The following OOSP1 variants were observed in gnomAD, a reference collection of about 807,000 sequenced individuals.
The protein encoded by OOSP1 is oocyte secreted protein 1.
OOSP1 carries 11 observed loss-of-function variants against 5.7 expected under a neutral mutation model. The ratio of observed to expected loss-of-function variants is 1.94; its 90% confidence interval spans 1.22 to 3.20. The LOEUF (loss-of-function observed/expected upper bound fraction) is 3.20. Among genes scored for constraint, OOSP1 ranks in the 30% most tolerant of loss-of-function variants. OOSP1 has a pLI of 0.00. For missense variants in OOSP1, 83 were observed against 54.1 expected (o/e 1.53, Z -1.67); for synonymous variants, 44 against 20.0 (o/e 2.20, Z -3.20).
chr11:59,956,662 C>A (rs1322663317), intron 4 of OOSP1, among the ~76,000 whole-genome samples: 1 of 152,066 alleles, frequency 6.6e-6, no homozygotes, highest in Non-Finnish European at 1.5e-5. Flanking sequence ...ATCACCTGAG[C>A]AGTATACACT....
chr11:59,943,444 A>G (rs1485860533), intron 2 of OOSP1, among the ~76,000 whole-genome samples: 1 of 152,196 alleles, frequency 6.6e-6, no homozygotes, highest in Non-Finnish European at 1.5e-5. Flanking sequence ...TATTTGTAAT[A>G]TGGCTAGACT....
chr11:59,944,501 T>C (rs900081741), intron 2 of OOSP1, among the ~76,000 whole-genome samples: 8 of 152,280 alleles, frequency 5.3e-5, no homozygotes, highest in Non-Finnish European at 1.0e-4. Flanking sequence ...TAAAATTATG[T>C]AATGAATATG....
intron 2 of OOSP1, among the ~76,000 whole-genome samples, chr11:59,943,497 A>G (rs1314711959): frequency 6.6e-6 from 1 of 152,222 alleles, no homozygotes; most frequent in Non-Finnish European, 1.5e-5. Context: ...AAGAAAGGAG[A>G]TGCTAAATGC....
intron 4 of OOSP1, among the ~76,000 whole-genome samples, chr11:59,956,041 T>G (rs917165954): frequency 6.6e-6 from 1 of 152,148 alleles, no homozygotes; most frequent in Non-Finnish European, 1.5e-5. Flanking sequence ...AAGAATGACA[T>G]GTGATTAATG....
At chr11:59,945,216 A>G (rs1192677791) in exon 3 of OOSP1, 1 of 702,934 alleles carries the variant, frequency 1.4e-6, no homozygotes, top group Non-Finnish European at 2.6e-6. Context: ...GGTATATCTC[A>G]AGAGACTCTA....
chr11:59,951,880 C>T (rs906396530), intron 4 of OOSP1, among the ~76,000 whole-genome samples: 12 of 147,368 alleles, frequency 8.1e-5, no homozygotes, highest in African/African-American at 2.5e-4. Context: ...AACTTCCTAA[C>T]TCGTCAGAAT....
Position 59,951,769 on chromosome 11 carries a change from C to T in OOSP1, c.486+3907C>T, listed in dbSNP as rs538174073. ...CTGTCGCCAGGCTAGAGTGCAGTGG[C>T]ACAGTTTTTTTTTTTTTTTTTTTTT... On this transcript the variant is annotated intron_variant, in intron 4 of 4. Coordinates refer to ENST00000646685, the Ensembl canonical transcript of OOSP1. Among the ~76,000 whole-genome samples, 21 of 108,014 alleles carry T rather than the reference C, an allele frequency of 1.9e-4. No individual in the cohort carries two copies. In the East Asian group the frequency reaches 5.6e-3, roughly 29 times the overall value. The allele number at this position is 108,014 out of a possible 152,430, so 70.9% of individuals were successfully genotyped here.
At chr11:59,938,877 T>C (rs1422453840) in intron 1 of OOSP1, among the ~76,000 whole-genome samples, 1 of 152,078 alleles carries the variant, frequency 6.6e-6, no homozygotes. Context: ...TGGTAGGAAC[T>C]TGGGACTCTG....
At chr11:59,956,949 G>A (rs895596097) in intron 4 of OOSP1, among the ~76,000 whole-genome samples, 3 of 151,950 alleles carry the variant, frequency 2.0e-5, no homozygotes, top group Admixed American at 6.6e-5. Context: ...TTATCCACTC[G>A]TTGATTGATG....
chr11:59,940,944 T>C (rs1246640805), intron 1 of OOSP1, among the ~76,000 whole-genome samples: 1 of 152,220 alleles, frequency 6.6e-6, no homozygotes, highest in Non-Finnish European at 1.5e-5. Flanking sequence ...TGCAGAAATA[T>C]AATACAGTAT....
Position 59,949,452 on chromosome 11 carries a change from A to T in OOSP1, c.486+1590A>T, listed in dbSNP as rs188166577. ...AATGAGCCCCGCAGATCCTGGAGGG[A>T]AGGCCGTTCACACATGTACCCTAAA... On this transcript the variant is annotated intron_variant, in intron 4 of 4. Coordinates refer to ENST00000646685, the Ensembl canonical transcript of OOSP1. 4.1e-3 allele frequency among the ~76,000 whole-genome samples: 616 copies of T among 152,058 alleles called. 6 individuals are homozygous for T. The highest frequency in any genetic ancestry group is 0.014 in the African/African-American group (577 of 41,476).
exon 4 of OOSP1, chr11:59,947,780 A>C (rs537741678): frequency 5.0e-6 from 2 of 398,900 alleles, no homozygotes; most frequent in East Asian, 7.1e-5. Context: ...GGGGAAACTG[A>C]CAATGTTAAT....
chr11:59,945,373 G>C (rs545352478), intron 3 of OOSP1, 107 bp downstream of exon 3: 1 of 698,774 alleles, frequency 1.4e-6, no homozygotes, highest in South Asian at 1.5e-5. Flanking sequence ...GATGGGAGTT[G>C]GGGAGACACC....
rs576131811 is a variant in OOSP1, at chr11:59,945,174, C to G, written c.264C>G (p.Leu88=). 2.4e-5 allele frequency: 17 copies of G among 702,874 alleles called. No homozygotes were observed. The African/African-American group carries it at 2.6e-4, about 11-fold the overall frequency. 43.5% of individuals were successfully genotyped at this position (702,874 alleles called of 1,614,324 possible). The change falls in exon 3 of 5, where the codon CTC becomes CTG. Residue 88 remains leucine, a synonymous_variant. Coordinates refer to ENST00000646685, the Ensembl canonical transcript of OOSP1. ...AACCTCTCTTTGTCTTGTAGCCTCT[C>G]CAGGAAGTTCTTCTGCTTAAAACTA...
rs938185303 is a variant in OOSP1, at chr11:59,945,353, T to C, written c.356+87T>C. ...ATGCCAAACCTGAAAGGTTAAATGG[T>C]ACAACCAGTGATGGGAGTTGGGGAG... On this transcript the variant is annotated intron_variant, in intron 3 of 4. Coordinates refer to ENST00000646685, the Ensembl canonical transcript of OOSP1. 5.7e-6 allele frequency: 4 copies of C among 701,038 alleles called. No homozygotes were observed. The African/African-American group carries it at 7.0e-5, about 12-fold the overall frequency. 43.4% of individuals were successfully genotyped at this position (701,038 alleles called of 1,614,324 possible). A position where few individuals can be genotyped will look rare whatever the true frequency, so the allele number is the denominator to read the frequency against.
chr11:59,949,062 A>G (rs1853914638), intron 4 of OOSP1: 1 of 301,310 alleles, frequency 3.3e-6, no homozygotes, highest in Non-Finnish European at 6.1e-6. Context: ...ACTGACTTGT[A>G]TGTAATTTTA....
At chr11:59,954,916 T>C (rs1853979268) in intron 4 of OOSP1, among the ~76,000 whole-genome samples, 1 of 152,086 alleles carries the variant, frequency 6.6e-6, no homozygotes, top group Non-Finnish European at 1.5e-5. Context: ...TCTTCTTTTT[T>C]TTAACATGTA....
intron 4 of OOSP1, among the ~76,000 whole-genome samples, chr11:59,950,955 A>G (rs901253515): frequency 2.0e-5 from 3 of 152,114 alleles, no homozygotes; most frequent in Non-Finnish European, 4.4e-5. Flanking sequence ...TGTTTAAGAA[A>G]TGATTAAGAA....
intron 4 of OOSP1, chr11:59,948,595 C>G (rs1239711133): frequency 2.5e-6 from 1 of 393,882 alleles, no homozygotes; most frequent in Non-Finnish European, 4.5e-6. Flanking sequence ...CCTTCTCCTT[C>G]ATTTCCATAC....
Sources: gnomAD v4.1 joint callset for allele counts (sites outside exome capture counted in the v4.1 genomes callset) on GRCh38, gnomAD v4.1.1 for gene constraint, MANE v1.5 for transcripts, NCBI Gene and HGNC (gene_info 2026-07-23, HGNC 2026-07-21) for gene names.